The following ST3GAL1 variants were observed in gnomAD, a reference collection of about 807,000 sequenced individuals.
ST3GAL1 encodes CMP-N-acetylneuraminate-beta-galactosamide-alpha-2,3-sialyltransferase 1.
A neutral mutation model predicts 34.1 loss-of-function variants in ST3GAL1; 16 were observed. The observed-to-expected ratio is 0.47, with a 90% confidence interval of 0.32 to 0.71. ST3GAL1 has a LOEUF of 0.71. Among genes scored for constraint, ST3GAL1 ranks in the 30% least tolerant of loss-of-function variants. The pLI, the probability that ST3GAL1 is intolerant of heterozygous loss-of-function variation, is 0.04. For synonymous variants in ST3GAL1, 191 were observed against 184.7 expected, an observed-to-expected ratio of 1.03 and a Z score of -0.28; for missense variants, 353 against 447.4, an observed-to-expected ratio of 0.79 and a Z score of 1.90.
intron 2 of ST3GAL1, among the ~76,000 whole-genome samples, chr8:133,510,976 C>T (rs1459787782): frequency 1.3e-5 from 2 of 152,202 alleles, no homozygotes; most frequent in Admixed American, 6.5e-5. Context: ...TAACCAGTGA[C>T]CTTTTCAAAT....
Position 133,466,143 on chromosome 8 carries a change from T to G in ST3GAL1, c.307-53A>C, listed in dbSNP as rs1815727166. 6.4e-7 allele frequency: 1 copy of G among 1,554,924 alleles called. No homozygotes were observed. The highest frequency in any genetic ancestry group is 1.8e-5 in the Admixed American group (1 of 55,576). On this transcript the variant is annotated intron_variant, in intron 5 of 9. Transcript: ENST00000522652. This position sits in a 1 kb window ranked among gnomAD's most constrained non-coding sequence, Gnocchi z 4.4. ...ACCTGGCTTTGTGGCTCCAGCCTCCTGGCAGCAGAGCCCCTGAGCTACCTG... is the reference window on the plus strand; with the variant it reads ...ACCTGGCTTTGTGGCTCCAGCCTCCGGGCAGCAGAGCCCCTGAGCTACCTG...
At chr8:133,564,102 C>T (rs941678022) in intron 1 of ST3GAL1, among the ~76,000 whole-genome samples, 2 of 152,180 alleles carry the variant, frequency 1.3e-5, no homozygotes, top group African/African-American at 4.8e-5. Context: ...GAGACAAGAA[C>T]CGAGGTTTTA....
chr8:133,500,886 GAGA>G (rs1312813613), intron 2 of ST3GAL1, among the ~76,000 whole-genome samples: 4 of 152,198 alleles, frequency 2.6e-5, no homozygotes, highest in African/African-American at 9.7e-5. Context: ...AGTTGAGACT[GAGA>G]AGGTCAAAAA....
At chr8:133,551,502 G>A (rs372519474) in intron 1 of ST3GAL1, among the ~76,000 whole-genome samples, 1 of 139,944 alleles carries the variant, frequency 7.1e-6, no homozygotes, top group African/African-American at 2.8e-5. Context: ...GAAAGAAAGA[G>A]ACAGAAAGAC....
chr8:133,460,860 A>G (rs1815470991), intron 9 of ST3GAL1, among the ~76,000 whole-genome samples: 1 of 151,486 alleles, frequency 6.6e-6, no homozygotes, highest in South Asian at 2.1e-4. Context: ...AGGACGTGCT[A>G]TCTGGGCTGC....
In ST3GAL1 at chr8:133,466,758, T is replaced by C. The variant is rs942917699; in HGVS notation, c.307-668A>G. 1.3e-5 allele frequency among the ~76,000 whole-genome samples: 2 copies of C among 152,334 alleles called. No homozygotes were observed. Among genetic ancestry groups the C allele is most frequent in the Admixed American group, 1.3e-4 (2 of 15,302 alleles). ...ATTGAAGAATCAGCAGTTTGCTGGA[T>C]GCACAAGGCTTCTGCGATCTGCCTA... is the stretch of plus-strand genomic sequence containing the variant. On this transcript the variant is annotated intron_variant, in intron 5 of 9. Transcript: ENST00000522652. The surrounding 1 kb of genome is among the most constrained non-coding windows in gnomAD (Gnocchi z 4.4).
Position 133,469,501 on chromosome 8 carries a change from G to A in ST3GAL1, c.307-3411C>T, listed in dbSNP as rs1815869944. Among the ~76,000 whole-genome samples the A allele has an allele frequency of 6.6e-6, 1 of 152,156 alleles. No homozygotes were observed. The highest frequency in any genetic ancestry group is 6.5e-5 in the Admixed American group (1 of 15,284). On this transcript the variant is annotated intron_variant, in intron 5 of 9. Coordinates refer to ENST00000522652, the MANE Select transcript of ST3GAL1 (RefSeq NM_173344.3). This position sits in a 1 kb window ranked among gnomAD's most constrained non-coding sequence, Gnocchi z 4.3. Reference sequence around the variant, plus strand: ...CCCAAAGTGTTGGGATTATAGGTGTGAGCCACCATGCCTGGCCAAATAATA... The same window carrying A: ...CCCAAAGTGTTGGGATTATAGGTGTAAGCCACCATGCCTGGCCAAATAATA...
intron 2 of ST3GAL1, among the ~76,000 whole-genome samples, chr8:133,516,886 T>G (rs767635016): frequency 6.6e-5 from 10 of 152,198 alleles, no homozygotes; most frequent in Non-Finnish European, 1.5e-4. Context: ...GCAAAAGGAA[T>G]GTCGTCAAAT....
Position 133,541,110 on chromosome 8 carries a change from T to TAG in ST3GAL1, c.-429+4663_-429+4664insCT, listed in dbSNP as rs1488410302. Among the ~76,000 whole-genome samples the TAG allele has an allele frequency of 8.3e-4, 35 of 42,028 alleles. 6 individuals carry two copies. The highest frequency in any genetic ancestry group is 5.1e-3 in the South Asian group (5 of 978). 27.6% of individuals were successfully genotyped at this position (42,028 alleles called of 152,430 possible). ...ATATATATAAACATATATATATATA[T>TAG]ATATATATATAGAGAGAGAGAGAGA... On this transcript the variant is annotated intron_variant, in intron 2 of 9. Coordinates refer to ENST00000522652, the MANE Select transcript of ST3GAL1 (RefSeq NM_173344.3).
chr8:133,565,647 T>C (rs141155937), intron 1 of ST3GAL1, among the ~76,000 whole-genome samples: 2 of 152,324 alleles, frequency 1.3e-5, no homozygotes, highest in Non-Finnish European at 2.9e-5. Context: ...TACATTAAAC[T>C]ATAAAAAGTA....
In ST3GAL1 at chr8:133,461,978, G is replaced by T. The variant is rs984957094; in HGVS notation, c.746C>A (p.Pro249Gln). The T allele has an allele frequency of 1.2e-6, 2 of 1,614,180 alleles. No individual in the cohort carries two copies. Among genetic ancestry groups the T allele is most frequent in the Non-Finnish European group, 1.7e-6 (2 of 1,180,018 alleles). ...VKQDKILIYH[P>Q]AFIKYVFDNW... ...GTCAAAGACATACTTGATGAAGGCT[G>T]GGTGGTAGATCAGGATCTGCGGGGA... Residue 249 changes from proline to glutamine, a missense_variant, in exon 9 of 10, where the codon CCA becomes CAA. Pro to Gln is a moderately conservative substitution (Grantham distance 76). Coordinates refer to ENST00000522652, the MANE Select transcript of ST3GAL1 (RefSeq NM_173344.3). This position sits in a 1 kb window ranked among gnomAD's most constrained non-coding sequence, Gnocchi z 4.7.
At chr8:133,481,456 T>C (rs1177787556) in intron 3 of ST3GAL1, among the ~76,000 whole-genome samples, 1 of 152,136 alleles carries the variant, frequency 6.6e-6, no homozygotes, top group Non-Finnish European at 1.5e-5. Context: ...TAGCCTTTCT[T>C]TTTTGTTTGT....
At chr8:133,506,895 C>G (rs1039885935) in intron 2 of ST3GAL1, among the ~76,000 whole-genome samples, 2 of 151,710 alleles carry the variant, frequency 1.3e-5, no homozygotes, top group African/African-American at 2.4e-5. Context: ...GGAGACCATC[C>G]TGGCGAACAC....
chr8:133,512,716 G>A (rs1027251675), intron 2 of ST3GAL1, among the ~76,000 whole-genome samples: 11 of 152,052 alleles, frequency 7.2e-5, no homozygotes, highest in African/African-American at 1.7e-4. Context: ...ACTGAGGGTC[G>A]GGAGGAGACA....
intron 1 of ST3GAL1, among the ~76,000 whole-genome samples, chr8:133,549,139 G>A (rs916317869): frequency 6.6e-6 from 1 of 152,196 alleles, no homozygotes; most frequent in Admixed American, 6.5e-5. Context: ...GGTGGCTCAC[G>A]CCTGTAATCC....
rs144286428 is a variant in ST3GAL1, at chr8:133,534,679, G to A, written c.-429+11095C>T. ...GTTCTCCAAAGGCTGGAGGCAAGTC[G>A]GAGGAGCTAAAGAAGAGAGAATTAA... On this transcript the variant is annotated intron_variant, in intron 2 of 9. Transcript: ENST00000522652. 9.8e-3 allele frequency among the ~76,000 whole-genome samples: 1,492 copies of A among 152,340 alleles called. 25 individuals are homozygous for A. The highest frequency in any genetic ancestry group is 0.034 in the African/African-American group (1,412 of 41,578).
intron 3 of ST3GAL1, among the ~76,000 whole-genome samples, chr8:133,479,440 TGGTGG>T (rs1453541119): frequency 3.3e-5 from 5 of 152,140 alleles, no homozygotes; most frequent in Non-Finnish European, 7.4e-5. Flanking sequence ...AGAAACCTGC[TGGTGG>T]GGCTGAGCAG....
intron 2 of ST3GAL1, among the ~76,000 whole-genome samples, chr8:133,510,755 A>C (rs1287351251): frequency 1.3e-5 from 2 of 152,216 alleles, no homozygotes; most frequent in Non-Finnish European, 2.9e-5. Context: ...CACTCTGAGC[A>C]GTGTCTGGTT....
rs1164772539 is a variant in ST3GAL1, at chr8:133,570,485, C to A, written c.-582+1208G>T. The A allele has an allele frequency of 6.6e-6, 1 of 152,248 alleles. No homozygotes were observed. The highest frequency in any genetic ancestry group is 2.4e-5 in the African/African-American group (1 of 41,434). 9.4% of individuals were successfully genotyped at this position (152,248 alleles called of 1,614,324 possible). On this transcript the variant is annotated intron_variant, in intron 1 of 9. Coordinates refer to ENST00000522652, the MANE Select transcript of ST3GAL1 (RefSeq NM_173344.3). The surrounding 1 kb of genome is among the most constrained non-coding windows in gnomAD (Gnocchi z 5.6). ...CCTCGCCCAACACACCACCGAGCCC[C>A]GCGCATGGTACGGCCGCCGAGGACC...
Sources: allele counts gnomAD v4.1 joint callset (sites outside exome capture counted in the v4.1 genomes callset), GRCh38; gene constraint gnomAD v4.1.1; non-coding constraint Gnocchi (gnomAD v3.1); transcripts MANE v1.5; gene names NCBI Gene and HGNC (gene_info 2026-07-23, HGNC 2026-07-21).